The following CFAP44 variants were observed in gnomAD, a reference collection of about 807,000 sequenced individuals.
CFAP44 encodes the protein cilia- and flagella-associated protein 44.
Under a neutral mutation model 216.2 loss-of-function variants are expected in CFAP44, and 134 were observed. The observed-to-expected ratio is 0.62, with a 90% confidence interval of 0.54 to 0.72. The LOEUF (loss-of-function observed/expected upper bound fraction) is 0.72. Ranked by LOEUF, CFAP44 falls within the 30% of genes least tolerant of loss-of-function variation. The pLI is 0.00. For synonymous variants in CFAP44, 700 were observed against 727.6 expected (o/e 0.96, Z 0.61); for missense variants, 2,035 against 2,182.1 (o/e 0.93, Z 1.34).
In CFAP44 at chr3:113,344,521, T is replaced by A. The variant is rs1178629644; in HGVS notation, c.3257A>T (p.Asp1086Val). ...EGPGRKDSQR[D>V]AGGSVTIQEE... is the part of the protein sequence containing the mutation. ...GCCTTCTTGTCATAGGCTACCTGCA[T>A]CTCTCTGGCTGTCCTTTCTTCCAGG... Residue 1086 changes from aspartate (D) to valine (V), a missense_variant, in exon 23 of 35, where the codon GAT becomes GTT. Around this residue, in one of 3 missense-constraint regions of CFAP44, gnomAD observed 1,883 missense variants for 2,023.7 expected, o/e 0.93. Coordinates refer to ENST00000393845, the MANE Select transcript of CFAP44 (RefSeq NM_001164496.2). 1 of 1,536,108 alleles carries A rather than the reference T, an allele frequency of 6.5e-7. No individual in the cohort carries two copies. Among genetic ancestry groups the A allele is most frequent in the East Asian group, 2.4e-5 (1 of 40,904 alleles).
chr3:113,303,555 C>A (rs1445717449), intron 32 of CFAP44, among the ~76,000 whole-genome samples: 5 of 152,116 alleles, frequency 3.3e-5, no homozygotes. Flanking sequence ...TGGTGGTGAA[C>A]CCCGAGGAAG....
intron 22 of CFAP44, among the ~76,000 whole-genome samples, chr3:113,350,929 T>C (rs937618145): frequency 6.6e-6 from 1 of 152,190 alleles, no homozygotes; most frequent in East Asian, 1.9e-4. Context: ...TTGGTTGCCA[T>C]ACAGGGGTCT....
chr3:113,387,043 CT>C (rs1351685176), intron 15 of CFAP44, among the ~76,000 whole-genome samples: 1 of 152,196 alleles, frequency 6.6e-6, no homozygotes, highest in Non-Finnish European at 1.5e-5. Flanking sequence ...AACCTGAGTT[CT>C]GGTAAGCCTC....
At chr3:113,328,964 CCTAT>C (rs1447260091) in intron 26 of CFAP44, among the ~76,000 whole-genome samples, 13 of 152,222 alleles carry the variant, frequency 8.5e-5, no homozygotes, top group Non-Finnish European at 1.5e-4. Context: ...TATCCCTAAT[CCTAT>C]CTATCAGTGT....
At chr3:113,422,649 T>C (rs553274794) in intron 4 of CFAP44, among the ~76,000 whole-genome samples, 1 of 152,222 alleles carries the variant, frequency 6.6e-6, no homozygotes, top group Non-Finnish European at 1.5e-5. Flanking sequence ...TGCCCACCGG[T>C]TTTTTTCTTT....
chr3:113,436,922 C>A (rs1205537283), intron 1 of CFAP44, among the ~76,000 whole-genome samples: 1 of 152,168 alleles, frequency 6.6e-6, no homozygotes, highest in Admixed American at 6.5e-5. Context: ...AGTCAAAAGT[C>A]CAGGTCAAGT....
chr3:113,331,371 A>G (rs1468479077), intron 25 of CFAP44, among the ~76,000 whole-genome samples: 3 of 152,102 alleles, frequency 2.0e-5, no homozygotes, highest in Non-Finnish European at 4.4e-5. Flanking sequence ...CTGAGAGCAC[A>G]TGCAACCCTA....
At chr3:113,358,679 C>T (rs1301022698) in intron 22 of CFAP44, 66 bp downstream of exon 22, 3 of 1,518,222 alleles carry the variant, frequency 2.0e-6, no homozygotes, top group African/African-American at 2.8e-5. Flanking sequence ...ACTGACACTA[C>T]TATAAACTAT....
chr3:113,347,108 G>A (rs960661952), intron 22 of CFAP44, among the ~76,000 whole-genome samples: 5 of 152,122 alleles, frequency 3.3e-5, no homozygotes, highest in Non-Finnish European at 5.9e-5. Context: ...TAGAATTCGG[G>A]GGCTAAATAC....
chr3:113,427,382 A>G (rs1351879577), intron 2 of CFAP44, 43 bp from the exon 3 acceptor site: 1 of 1,466,576 alleles, frequency 6.8e-7, no homozygotes, highest in Admixed American at 2.1e-5. Context: ...TTGATTAAAC[A>G]TTTTCTTATT....
chr3:113,381,096 C>T, intron 15 of CFAP44, 36 bp from the exon 16 acceptor site: 3 of 1,462,226 alleles, frequency 2.1e-6, no homozygotes, highest in Non-Finnish European at 2.7e-6. Context: ...TACATTTAGG[C>T]AAATTTTTAA....
intron 15 of CFAP44, among the ~76,000 whole-genome samples, chr3:113,381,405 A>G (rs1198654642): frequency 1.3e-5 from 2 of 152,228 alleles, no homozygotes; most frequent in South Asian, 2.1e-4. Context: ...CGAAAGGACC[A>G]GATATTAAAA....
At chr3:113,406,842 C>A in intron 8 of CFAP44, 85 bp downstream of exon 8, 1 of 821,248 alleles carries the variant, frequency 1.2e-6, no homozygotes, top group Non-Finnish European at 2.0e-6. Flanking sequence ...ATTGGCAGAG[C>A]TTGTTAGAAT....
rs776403644 is a variant in CFAP44 at position 113,287,094 on chromosome 3, A to C, written c.*4463T>G. 96 of 555,364 alleles carry C rather than the reference A, an allele frequency of 1.7e-4. 1 individual carries two copies. The highest frequency in any genetic ancestry group is 1.7e-3 in the Middle Eastern group (6 of 3,562). The allele number at this position is 555,364 out of a possible 1,614,324, so 34.4% of individuals were successfully genotyped here. A position where few individuals can be genotyped will look rare whatever the true frequency, so the allele number is the denominator to read the frequency against. On this transcript the variant is annotated 3_prime_UTR_variant, in exon 35 of 35. Transcript: ENST00000393845. ...AGCTGCCACCTAACAGGAGTCACCC[A>C]GGAAAGCACCGCACAGGCTGGCGCG... is the stretch of plus-strand genomic sequence containing the variant.
chr3:113,343,204 G>A (rs1462581151), intron 23 of CFAP44, among the ~76,000 whole-genome samples: 1 of 151,754 alleles, frequency 6.6e-6, no homozygotes, highest in Non-Finnish European at 1.5e-5. Flanking sequence ...TGGGACTACA[G>A]GAATGTGCCA....
intron 6 of CFAP44, among the ~76,000 whole-genome samples, chr3:113,413,716 T>G (rs1934559952): frequency 6.6e-6 from 1 of 152,158 alleles, no homozygotes; most frequent in Non-Finnish European, 1.5e-5. Flanking sequence ...TCCATTGGTC[T>G]ATATGTCTGT....
At chr3:113,304,924 T>C in intron 31 of CFAP44, 112 bp downstream of exon 31, 3 of 901,090 alleles carry the variant, frequency 3.3e-6, no homozygotes, top group Non-Finnish European at 5.0e-6. Context: ...GGTGGAATTC[T>C]CAACAAAGAA....
At position 113,363,233 on chromosome 3, in the gene CFAP44, C is replaced by T; in HGVS notation, c.2846G>A (p.Arg949Lys). 1 of 1,613,434 alleles carries T rather than the reference C, an allele frequency of 6.2e-7. No homozygotes were observed. Among genetic ancestry groups the T allele is most frequent in the Non-Finnish European group, 8.5e-7 (1 of 1,179,788 alleles). ...ACTCCTCAAAGCTTTGATTTGCTCT[C>T]TCTTCCGTGCCTTTATTTCTCCCAC... ...KEVGEIKARKREQIKALRSEF... is the reference protein window; with the variant it reads ...KEVGEIKARKKEQIKALRSEF... Residue 949 changes from arginine to lysine, a missense_variant, in exon 21 of 35, where the codon AGA becomes AAA. This residue lies in a region of CFAP44 where 1,883 missense variants were observed against 2,023.7 expected (regional missense o/e 0.93). Coordinates refer to ENST00000393845, the MANE Select transcript of CFAP44 (RefSeq NM_001164496.2).
chr3:113,316,607 G>A (rs762490493), intron 28 of CFAP44, among the ~76,000 whole-genome samples: 2 of 152,090 alleles, frequency 1.3e-5, no homozygotes, highest in Non-Finnish European at 2.9e-5. Context: ...AGTGGCTCAC[G>A]CCTGTAATCC....
Sources: allele counts gnomAD v4.1 joint callset (sites outside exome capture counted in the v4.1 genomes callset), GRCh38; gene constraint gnomAD v4.1.1; regional missense constraint gnomAD v4.1.1; transcripts MANE v1.5; gene names NCBI Gene and HGNC (gene_info 2026-07-23, HGNC 2026-07-21).